Variants in COPG2 observed in about 807,000 individuals in gnomAD.
COPG2 encodes the protein coatomer subunit gamma-2.
In COPG2, 37 loss-of-function variants were observed where a neutral mutation model predicts 46.3. That is an observed-to-expected ratio of 0.80 (90% confidence interval 0.61 to 1.05). The LOEUF is 1.05. Among genes scored for constraint, COPG2 ranks in the 50% least tolerant of loss-of-function variants. The pLI is 0.00. For synonymous variants in COPG2, 159 were observed against 129.7 expected (o/e 1.23, Z -1.53); for missense variants, 427 against 387.8 (o/e 1.10, Z -0.85).
intron 9 of COPG2, among the ~76,000 whole-genome samples, chr7:130,577,057 A>G (rs1483662644): frequency 1.3e-5 from 2 of 152,242 alleles, no homozygotes; most frequent in African/African-American, 4.8e-5. Context: ...TCCTAGCTTA[A>G]ATCAGGAAGA....
intron 20 of COPG2, among the ~76,000 whole-genome samples, chr7:130,516,326 GA>G (rs1799677820): frequency 6.6e-6 from 1 of 152,122 alleles, no homozygotes; most frequent in Non-Finnish European, 1.5e-5. Context: ...AACTGGTTTT[GA>G]ATGAGGGAGA....
chr7:130,546,511 C>T (rs1437335981), intron 20 of COPG2, among the ~76,000 whole-genome samples: 2 of 152,118 alleles, frequency 1.3e-5, no homozygotes, highest in Non-Finnish European at 2.9e-5. Flanking sequence ...TAGGAAAGTG[C>T]CTTCCTACTC....
At chr7:130,538,897 A>C (rs898202434) in intron 20 of COPG2, among the ~76,000 whole-genome samples, 1 of 152,144 alleles carries the variant, frequency 6.6e-6, no homozygotes, top group Non-Finnish European at 1.5e-5. Flanking sequence ...TGAAGTAGGA[A>C]GCGGGGGCCT....
At chr7:130,543,756 G>A (rs1010075429) in intron 20 of COPG2, among the ~76,000 whole-genome samples, 18 of 152,058 alleles carry the variant, frequency 1.2e-4, no homozygotes, top group African/African-American at 4.4e-4. Context: ...GAAATGAGTG[G>A]GTACACCATG....
intron 5 of COPG2, among the ~76,000 whole-genome samples, chr7:130,632,904 C>A (rs1795258121): frequency 1.3e-5 from 2 of 152,076 alleles, no homozygotes; most frequent in Admixed American, 6.6e-5. Flanking sequence ...AGCCCCCCAC[C>A]CCGAGACAGG....
At chr7:130,509,645 A>G (rs1799564256) in intron 20 of COPG2, 1 of 513,316 alleles carries the variant, frequency 1.9e-6, no homozygotes, top group African/African-American at 1.9e-5. Context: ...TGTTGACATT[A>G]CACGTAAAGG....
intron 5 of COPG2, among the ~76,000 whole-genome samples, chr7:130,649,273 C>T (rs942627427): frequency 6.6e-6 from 1 of 152,210 alleles, no homozygotes; most frequent in Non-Finnish European, 1.5e-5. Context: ...GTTTTCCTGA[C>T]CGTGAAACTC....
chr7:130,564,118 C>T (rs1286111674), intron 10 of COPG2, 142 bp downstream of exon 10: 1 of 395,770 alleles, frequency 2.5e-6, no homozygotes, highest in Non-Finnish European at 4.4e-6. Context: ...AAACTATCTA[C>T]ATATAAGCTA....
intron 5 of COPG2, among the ~76,000 whole-genome samples, chr7:130,652,306 A>C (rs953290733): frequency 6.6e-6 from 1 of 152,206 alleles, no homozygotes; most frequent in Non-Finnish European, 1.5e-5. Context: ...TTCTAGAAAA[A>C]TTGAATCAAT....
At chr7:130,574,329 G>A (rs1398308988) in intron 9 of COPG2, among the ~76,000 whole-genome samples, 1 of 152,178 alleles carries the variant, frequency 6.6e-6, no homozygotes, top group Non-Finnish European at 1.5e-5. Flanking sequence ...TTGGATGGCT[G>A]AGGCAGGTGG....
intron 5 of COPG2, among the ~76,000 whole-genome samples, chr7:130,619,357 C>A (rs1405626199): frequency 6.6e-6 from 1 of 152,086 alleles, no homozygotes; most frequent in Non-Finnish European, 1.5e-5. Flanking sequence ...CTTTTGTTTT[C>A]CTAAGTGAAT....
chr7:130,631,184 T>A (rs1350916075), intron 5 of COPG2, among the ~76,000 whole-genome samples: 7 of 149,520 alleles, frequency 4.7e-5, no homozygotes, highest in African/African-American at 1.7e-4. Flanking sequence ...TTTTTTTTTT[T>A]TTTTTGAGAT....
At chr7:130,603,410 A>G (rs1794672975) in intron 9 of COPG2, among the ~76,000 whole-genome samples, 1 of 152,088 alleles carries the variant, frequency 6.6e-6, no homozygotes, top group South Asian at 2.1e-4. Context: ...GCACTGATAG[A>G]CATTTGGACT....
chr7:130,645,143 G>T, intron 5 of COPG2: 1 of 478,278 alleles, frequency 2.1e-6, no homozygotes, highest in Non-Finnish European at 4.1e-6. Flanking sequence ...AGGAAAATTA[G>T]TGTTCACAGT....
chr7:130,507,545 T>C, intron 22 of COPG2, 140 bp downstream of exon 22: 1 of 658,562 alleles, frequency 1.5e-6, no homozygotes, highest in Non-Finnish European at 2.7e-6. Context: ...AATTAGATGA[T>C]GAAGACAGGG....
intron 20 of COPG2, among the ~76,000 whole-genome samples, chr7:130,541,167 C>T (rs1799932573): frequency 1.3e-5 from 2 of 152,022 alleles, no homozygotes; most frequent in South Asian, 4.1e-4. Flanking sequence ...AAGATGACAG[C>T]GAGCAGATGG....
intron 9 of COPG2, among the ~76,000 whole-genome samples, chr7:130,589,432 C>A (rs1331223358): frequency 6.6e-6 from 1 of 151,822 alleles, no homozygotes; most frequent in African/African-American, 2.4e-5. Context: ...TATAGGTGCT[C>A]ACCACCACAC....
At chr7:130,508,096 C>T (rs766246216) in intron 21 of COPG2, 185 of 365,066 alleles carry the variant, frequency 5.1e-4, no homozygotes, top group Non-Finnish European at 8.1e-4. Flanking sequence ...TCTGGGCACA[C>T]GGTACCCTCT....
Position 130,668,084 on chromosome 7 carries a change from G to C in COPG2, c.37+548C>G, listed in dbSNP as rs77932806. ...GCTCTGGACCAAAGACGGGCATCAAGACGCAGGTCACTTCTGGACACCTGA... is the reference window on the plus strand; with the variant it reads ...GCTCTGGACCAAAGACGGGCATCAACACGCAGGTCACTTCTGGACACCTGA... On this transcript the variant is annotated intron_variant, in intron 1 of 23. Coordinates refer to ENST00000425248, the MANE Select transcript of COPG2 (RefSeq NM_012133.6). Among the ~76,000 whole-genome samples the C allele has an allele frequency of 8.3e-4, 126 of 152,266 alleles. No homozygotes were observed. In the East Asian group the frequency reaches 0.022, roughly 27 times the overall value.
Sources: allele counts gnomAD v4.1 joint callset (sites outside exome capture counted in the v4.1 genomes callset), GRCh38; gene constraint gnomAD v4.1.1; transcripts MANE v1.5; gene names NCBI Gene and HGNC (gene_info 2026-07-23, HGNC 2026-07-21).